TMEM132B: variants seen among roughly 807,000 people sequenced by gnomAD.
TMEM132B encodes transmembrane protein 132B.
Under a neutral mutation model 90.8 loss-of-function variants are expected in TMEM132B, and 18 were observed. The ratio of observed to expected loss-of-function variants is 0.20; its 90% confidence interval spans 0.14 to 0.29. The LOEUF is 0.29. Ranked by LOEUF, TMEM132B falls within the 10% of genes least tolerant of loss-of-function variation. The pLI is 1.00. For missense variants in TMEM132B, 1,096 were observed against 1,326.8 expected, an observed-to-expected ratio of 0.83 and a Z score of 2.70; for synonymous variants, 504 against 523.3, an observed-to-expected ratio of 0.96 and a Z score of 0.50.
At chr12:125,386,789 C>A (rs1391979642) in intron 2 of TMEM132B, among the ~76,000 whole-genome samples, 1 of 152,112 alleles carries the variant, frequency 6.6e-6, no homozygotes, top group Admixed American at 6.5e-5. Context: ...TCCTGGTATG[C>A]AAAGATAAGA....
intron 5 of TMEM132B, among the ~76,000 whole-genome samples, chr12:125,603,401 C>T (rs929566965): frequency 2.6e-4 from 40 of 152,200 alleles, no homozygotes; most frequent in African/African-American, 8.9e-4. Flanking sequence ...TAGCCATATG[C>T]AGAAAACTAA....
chr12:125,553,877 G>T (rs566422538), intron 4 of TMEM132B, among the ~76,000 whole-genome samples: 2 of 152,192 alleles, frequency 1.3e-5, no homozygotes, highest in Non-Finnish European at 2.9e-5. Context: ...CCTTGGCTTT[G>T]CATGGTAGTG....
chr12:125,206,129 G>A (rs1181365927), intron 1 of TMEM132B, among the ~76,000 whole-genome samples: 3 of 152,110 alleles, frequency 2.0e-5, no homozygotes, highest in Non-Finnish European at 4.4e-5. Flanking sequence ...TGCTCCCTTA[G>A]CTTTTTTCGC....
chr12:125,448,964 CTTTTT>C (rs368984381), intron 3 of TMEM132B, among the ~76,000 whole-genome samples: 2 of 124,718 alleles, frequency 1.6e-5, no homozygotes, highest in African/African-American at 5.9e-5. Context: ...ATTCATATAT[CTTTTT>C]TTTTTTTTTT....
intron 3 of TMEM132B, among the ~76,000 whole-genome samples, chr12:125,454,540 A>C (rs1016577574): frequency 6.6e-6 from 1 of 152,218 alleles, no homozygotes; most frequent in Admixed American, 6.5e-5. Context: ...TAAGGTCTTC[A>C]TATAGGCATT....
chr12:125,413,220 T>C (rs1010195259), intron 2 of TMEM132B, among the ~76,000 whole-genome samples: 1 of 152,178 alleles, frequency 6.6e-6, no homozygotes, highest in Non-Finnish European at 1.5e-5. Flanking sequence ...GCTGCCTTCC[T>C]TGGGTCTTAT....
At position 125,484,483 on chromosome 12, in the gene TMEM132B, G is replaced by A. The variant is rs141932322; in HGVS notation, c.1107-34956G>A. Among the ~76,000 whole-genome samples the A allele has an allele frequency of 5.7e-3, 865 of 152,212 alleles. 7 individuals carry two copies. Among genetic ancestry groups the A allele is most frequent in the Middle Eastern group, 0.037 (11 of 294 alleles). ...CAGCCGATCAGATGCTCCCTCCTGG[G>A]ACTTTGAGTCTTGAGTAGATTGCTG... is the stretch of plus-strand genomic sequence containing the variant. On this transcript the variant is annotated intron_variant, in intron 3 of 8. Coordinates refer to ENST00000682704, the MANE Select transcript of TMEM132B (RefSeq NM_001366854.1).
At chr12:125,545,524 G>A (rs1425700480) in intron 4 of TMEM132B, among the ~76,000 whole-genome samples, 1 of 152,142 alleles carries the variant, frequency 6.6e-6, no homozygotes, top group African/African-American at 2.4e-5. Flanking sequence ...GCCTTTCCCT[G>A]CCACACAGAC....
intron 3 of TMEM132B, among the ~76,000 whole-genome samples, chr12:125,514,590 G>C (rs949139838): frequency 2.0e-5 from 3 of 152,170 alleles, no homozygotes; most frequent in African/African-American, 4.8e-5. Context: ...TCCCATGTGG[G>C]GAAAGTGTTA....
intron 2 of TMEM132B, among the ~76,000 whole-genome samples, chr12:125,355,428 G>T (rs1877733642): frequency 6.6e-6 from 1 of 152,110 alleles, no homozygotes; most frequent in African/African-American, 2.4e-5. Context: ...GCTTTCTCTG[G>T]TTGGCCCGGA....
chr12:125,236,312 TTTTTTTTTG>T (rs1565980915), intron 1 of TMEM132B, among the ~76,000 whole-genome samples: 3 of 149,590 alleles, frequency 2.0e-5, no homozygotes, highest in African/African-American at 2.5e-5. Flanking sequence ...CGCCCAGCTA[TTTTTTTTTG>T]TTTTTTTTGT....
chr12:125,446,342 C>T (rs1451034501), intron 3 of TMEM132B, among the ~76,000 whole-genome samples: 1 of 151,962 alleles, frequency 6.6e-6, no homozygotes, highest in East Asian at 1.9e-4. Context: ...TTTGTATGAG[C>T]TATTTATATA....
rs114965436 is a variant in TMEM132B, at chr12:125,229,026, G to A, written c.67+42160G>A. On this transcript the variant is annotated intron_variant, in intron 1 of 8. Coordinates refer to ENST00000682704, the MANE Select transcript of TMEM132B (RefSeq NM_001366854.1). ...TAGAGCTGCATAGCTATGGTGCCGCGGGCGAGGGAGACCTTGCCAGCACAC... is the reference window on the plus strand; with the variant it reads ...TAGAGCTGCATAGCTATGGTGCCGCAGGCGAGGGAGACCTTGCCAGCACAC... 5.2e-3 allele frequency among the ~76,000 whole-genome samples: 787 copies of A among 152,290 alleles called. 10 individuals carry two copies. The highest frequency in any genetic ancestry group is 0.017 in the African/African-American group (723 of 41,558).
At position 125,535,807 on chromosome 12, in the gene TMEM132B, TAAGGTC is replaced by T. The variant is rs1004496866; in HGVS notation, c.1293+16183_1293+16188del. On this transcript the variant is annotated intron_variant, in intron 4 of 8. Coordinates refer to ENST00000682704, the MANE Select transcript of TMEM132B (RefSeq NM_001366854.1). The stretch of plus-strand genomic sequence containing the variant: ...GTCCACTTTGCACAGGTGATGGTTG[TAAGGTC>T]CCACACTCTTTGCAGGAGAGGGGAG... Among the ~76,000 whole-genome samples, 11 of 152,290 alleles carry T rather than the reference TAAGGTC, an allele frequency of 7.2e-5. No homozygotes were observed. The East Asian group carries it at 1.9e-3, about 27-fold the overall frequency.
chr12:125,635,759 C>T (rs1176555976), intron 5 of TMEM132B, among the ~76,000 whole-genome samples: 7 of 152,234 alleles, frequency 4.6e-5, no homozygotes, highest in African/African-American at 1.7e-4. Flanking sequence ...CTCCCACCAA[C>T]AGTGTAAAAG....
chr12:125,454,177 A>G (rs1881226963), intron 3 of TMEM132B, among the ~76,000 whole-genome samples: 4 of 152,178 alleles, frequency 2.6e-5, no homozygotes. Flanking sequence ...CAAAGTTATC[A>G]TTATGACAAC....
chr12:125,289,266 C>G (rs1010432225), intron 1 of TMEM132B, among the ~76,000 whole-genome samples: 2 of 152,164 alleles, frequency 1.3e-5, no homozygotes, highest in Non-Finnish European at 2.9e-5. Flanking sequence ...CCTGGCCTTT[C>G]AAGAAGGTTC....
intron 3 of TMEM132B, among the ~76,000 whole-genome samples, chr12:125,430,990 C>T (rs948829313): frequency 2.6e-5 from 4 of 151,902 alleles, no homozygotes; most frequent in Non-Finnish European, 4.4e-5. Context: ...CTGAGGTGGC[C>T]GGCCCCAGTA....
At chr12:125,618,913 A>G (rs1886053994) in intron 5 of TMEM132B, among the ~76,000 whole-genome samples, 1 of 152,188 alleles carries the variant, frequency 6.6e-6, no homozygotes. Flanking sequence ...TATCAATATT[A>G]GTTATTATTT....
Sources: allele counts gnomAD v4.1 joint callset (sites outside exome capture counted in the v4.1 genomes callset), GRCh38; gene constraint gnomAD v4.1.1; transcripts MANE v1.5; gene names NCBI Gene and HGNC (gene_info 2026-07-23, HGNC 2026-07-21).